The following SEMA4B variants were observed in gnomAD, a reference collection of about 807,000 sequenced individuals.
The protein encoded by SEMA4B is semaphorin-4B.
A neutral mutation model predicts 88.1 loss-of-function variants in SEMA4B; 55 were observed. That is an observed-to-expected ratio of 0.62 (90% CI 0.50 to 0.78). The LOEUF is 0.78. Among genes scored for constraint, SEMA4B ranks in the 30% least tolerant of loss-of-function variants. The pLI is 0.00. For synonymous variants in SEMA4B, 525 were observed against 473.6 expected, an observed-to-expected ratio of 1.11 and a Z score of -1.41; for missense variants, 1,062 against 1,111.9, an observed-to-expected ratio of 0.96 and a Z score of 0.64.
chr15:90,200,407 T>C (rs1567044985), upstream of SEMA4B, among the ~76,000 whole-genome samples: 1 of 152,256 alleles, frequency 6.6e-6, no homozygotes, highest in Non-Finnish European at 1.5e-5. Context: ...TTAGGAAAAG[T>C]TGAAGTAGCT....
chr15:90,223,515 G>T (rs780620665), intron 7 of SEMA4B, 44 bp from the exon 8 acceptor site: 1 of 1,506,400 alleles, frequency 6.6e-7, no homozygotes, highest in Admixed American at 2.2e-5. Context: ...CCCCGTCATG[G>T]CTCAGCATGT....
rs199930724 is a variant in SEMA4B, at chr15:90,223,865, C to T, written c.1071C>T (p.Ala357=). The part of the protein sequence containing the change: ...QWHRGTTEGS[A]VCVFTMKDVQ... ...ACAGGGGAACTACAGAAGGCTCTGC[C>T]GTCTGTGTCTTCACAATGAAGGATG... The change falls in exon 9 of 14, where the codon GCC becomes GCT. Residue 357 remains alanine (A), a synonymous_variant. Coordinates refer to ENST00000411539, the MANE Select transcript of SEMA4B (RefSeq NM_198925.4). The T allele has an allele frequency of 9.5e-5, 154 of 1,613,944 alleles. No homozygotes were observed. The highest frequency in any genetic ancestry group is 2.7e-4 in the East Asian group (12 of 44,876).
At chr15:90,197,681 C>T (rs1001389080), upstream of SEMA4B, among the ~76,000 whole-genome samples, 12 of 152,006 alleles carry the variant, frequency 7.9e-5, no homozygotes, top group African/African-American at 2.6e-4. Context: ...TCATGATCCG[C>T]GCACCTCGGC....
chr15:90,216,512 G>C (rs559210409), intron 1 of SEMA4B, among the ~76,000 whole-genome samples: 1 of 152,130 alleles, frequency 6.6e-6, no homozygotes, highest in Non-Finnish European at 1.5e-5. Context: ...TATGATGTCT[G>C]TCTGTCATCA....
At position 90,212,910 on chromosome 15, in the gene SEMA4B, C is replaced by A. The variant is rs991393229; in HGVS notation, c.158-4529C>A. On this transcript the variant is annotated intron_variant, in intron 1 of 13. Transcript: ENST00000411539. This position sits in a 1 kb window ranked among gnomAD's most constrained non-coding sequence, Gnocchi z 4.0. ...GAATCGCCCAGGCTAAGTTCGTGAA[C>A]CCCCTGGATGAGGGAGGCCCGACTC... Among the ~76,000 whole-genome samples, 1 of 152,176 alleles carries A rather than the reference C, an allele frequency of 6.6e-6. No individual in the cohort carries two copies. The highest frequency in any genetic ancestry group is 2.4e-5 in the African/African-American group (1 of 41,444).
intron 1 of SEMA4B, chr15:90,206,474 C>T (rs558137777): frequency 7.1e-6 from 2 of 281,114 alleles, no homozygotes; most frequent in African/African-American, 2.2e-5. Flanking sequence ...TAATTAAAAG[C>T]CTGGTGGCTC....
Position 90,225,912 on chromosome 15 carries a change from G to A in SEMA4B, c.1688+85G>A, listed in dbSNP as rs563799111. 2.1e-4 allele frequency: 228 copies of A among 1,095,422 alleles called. 1 individual carries two copies. The African/African-American group carries it at 2.9e-3, about 14-fold the overall frequency. The allele number at this position is 1,095,422 out of a possible 1,614,324, so 67.9% of individuals were successfully genotyped here. On this transcript the variant is annotated intron_variant, in intron 12 of 13. Transcript: ENST00000411539. ...ACCATCCTGGGCCCTCCTTGGGACCGCCACACAGCCTCGTTTATGTCCACT... is the reference window on the plus strand; with the variant it reads ...ACCATCCTGGGCCCTCCTTGGGACCACCACACAGCCTCGTTTATGTCCACT...
intron 9 of SEMA4B, 73 bp downstream of exon 9, chr15:90,224,061 G>A (rs1193704849): frequency 1.4e-6 from 2 of 1,471,124 alleles, no homozygotes; most frequent in Non-Finnish European, 1.8e-6. Context: ...TGGGAGCAAG[G>A]CTGCCTAGCC....
intron 1 of SEMA4B, among the ~76,000 whole-genome samples, chr15:90,213,757 T>C (rs1465465226): frequency 6.6e-6 from 1 of 152,234 alleles, no homozygotes; most frequent in African/African-American, 2.4e-5. Context: ...AACCAGCTTA[T>C]CTGAACCAGC....
chr15:90,202,759 G>A (rs903883312), intron 1 of SEMA4B, among the ~76,000 whole-genome samples: 14 of 152,206 alleles, frequency 9.2e-5, no homozygotes, highest in Non-Finnish European at 1.6e-4. Context: ...CATATTGTAT[G>A]ACTTGGAATA....
rs200793183 is a variant in SEMA4B, at chr15:90,227,613, C to T, written c.1745C>T (p.Ser582Leu). Residue 582 changes from serine to leucine, a missense_variant, in exon 13 of 14, where the codon TCG (serine) becomes TTG (leucine). By Grantham distance (145) the Ser-to-Leu change is moderately radical. Transcript: ENST00000411539. ...GCCAAGGACCTTTGCAGCGCGTCTTCGGTTGTGTCCCCGTCTTTTGTACCA... is the reference window on the plus strand; with the variant it reads ...GCCAAGGACCTTTGCAGCGCGTCTTTGGTTGTGTCCCCGTCTTTTGTACCA... The part of the protein sequence containing the change: ...ASAKDLCSAS[S>L]VVSPSFVPTG... 9.2e-5 allele frequency: 149 copies of T among 1,614,038 alleles called. No individual in the cohort carries two copies. The highest frequency in any genetic ancestry group is 3.9e-4 in the African/African-American group (29 of 75,058).
chr15:90,191,853 G>C (rs1960353497), intron 1 of SEMA4B: 1 of 152,320 alleles, frequency 6.6e-6, no homozygotes, highest in Admixed American at 6.5e-5. Context: ...GAAGCTCCCA[G>C]CCCTGAGGAC....
intron 4 of SEMA4B, among the ~76,000 whole-genome samples, chr15:90,220,757 A>G (rs1001156690): frequency 1.3e-5 from 2 of 152,098 alleles, no homozygotes; most frequent in African/African-American, 4.8e-5. Flanking sequence ...GCAGTGTGGC[A>G]CTGTGTCTGG....
intron 1 of SEMA4B, among the ~76,000 whole-genome samples, chr15:90,185,597 G>A (rs1348635170): frequency 6.6e-6 from 1 of 152,236 alleles, no homozygotes; most frequent in African/African-American, 2.4e-5. Flanking sequence ...GAAAGGCGAA[G>A]GAGCCCTGGG....
chr15:90,222,506 G>A (rs1017808520), intron 7 of SEMA4B, among the ~76,000 whole-genome samples: 2 of 151,718 alleles, frequency 1.3e-5, no homozygotes, highest in South Asian at 2.1e-4. Context: ...GGAGGTGGAG[G>A]TTGCAGTGAG....
At chr15:90,196,708 C>G (rs1242498534), upstream of SEMA4B, among the ~76,000 whole-genome samples, 2 of 151,952 alleles carry the variant, frequency 1.3e-5, no homozygotes, top group African/African-American at 4.8e-5. Context: ...AGGATGGTCT[C>G]GATCTCCTGA....
chr15:90,222,971 T>TATATACA (rs3029968), intron 7 of SEMA4B, among the ~76,000 whole-genome samples: 32,889 of 121,856 alleles, frequency 0.27, 3,969 homozygotes, highest in Non-Finnish European at 0.3. Flanking sequence ...TATATATACA[T>TATATACA]TTTTTTTTTT....
chr15:90,207,502 G>A (rs1961053310), intron 1 of SEMA4B, among the ~76,000 whole-genome samples: 1 of 152,206 alleles, frequency 6.6e-6, no homozygotes, highest in Admixed American at 6.5e-5. Flanking sequence ...TGTTGGATGT[G>A]GAAGTGCATT....
At chr15:90,222,232 A>T (rs1397728955) in intron 7 of SEMA4B, among the ~76,000 whole-genome samples, 1 of 141,448 alleles carries the variant, frequency 7.1e-6, no homozygotes, top group Non-Finnish European at 1.5e-5. Context: ...GAGCCACTGC[A>T]CCCAGCCATT....
Sources: gnomAD v4.1 joint callset for allele counts (sites outside exome capture counted in the v4.1 genomes callset) on GRCh38, gnomAD v4.1.1 for gene constraint, Gnocchi (gnomAD v3.1) non-coding constraint, MANE v1.5 for transcripts, NCBI Gene and HGNC (gene_info 2026-07-23, HGNC 2026-07-21) for gene names.